SLIT2: variants seen among roughly 807,000 people sequenced by gnomAD.
The protein encoded by SLIT2 is slit homolog 2 protein.
A neutral mutation model predicts 185.7 loss-of-function variants in SLIT2; 41 were observed. That is an observed-to-expected ratio of 0.22 (90% CI 0.17 to 0.29). The LOEUF (loss-of-function observed/expected upper bound fraction) is 0.29. SLIT2 is among the 10% of genes least tolerant of loss of function. The pLI is 1.00. For missense variants in SLIT2, 1,571 were observed against 1,909.0 expected (o/e 0.82, Z 3.30); for synonymous variants, 693 against 680.2 (o/e 1.02, Z -0.29).
At chr4:20,258,915 G>C (rs1238537762) in intron 3 of SLIT2, among the ~76,000 whole-genome samples, 1 of 151,552 alleles carries the variant, frequency 6.6e-6, no homozygotes, top group Non-Finnish European at 1.5e-5. Flanking sequence ...ACATATTCAG[G>C]TTCACTGGGC....
chr4:20,512,994 AG>A (rs1719890383), intron 11 of SLIT2, among the ~76,000 whole-genome samples: 2 of 152,342 alleles, frequency 1.3e-5, no homozygotes, highest in African/African-American at 2.4e-5. Context: ...GTTGATAAAC[AG>A]GGTTCCTGTA....
intron 4 of SLIT2, among the ~76,000 whole-genome samples, chr4:20,317,943 T>C (rs1718740055): frequency 6.6e-6 from 1 of 152,132 alleles, no homozygotes; most frequent in Non-Finnish European, 1.5e-5. Context: ...TTTCTAGCCT[T>C]ATAGAAGAAA....
In SLIT2 at chr4:20,291,214, A is replaced by G. The variant is rs140065218; in HGVS notation, c.395+22333A>G. On this transcript the variant is annotated intron_variant, in intron 4 of 36. Coordinates refer to ENST00000504154, the MANE Select transcript of SLIT2 (RefSeq NM_004787.4). ...GTCTTGCACTTGTGTGATGTTCCTC[A>G]GATATCTAAGTCGTTCCTGGAAAAG... is the stretch of plus-strand genomic sequence containing the variant. 2.4e-3 allele frequency among the ~76,000 whole-genome samples: 371 copies of G among 152,150 alleles called. 2 individuals are homozygous for G. The highest frequency in any genetic ancestry group is 8.6e-3 in the African/African-American group (359 of 41,506).
At chr4:20,546,398 T>G (rs1723255318) in intron 22 of SLIT2, among the ~76,000 whole-genome samples, 1 of 152,098 alleles carries the variant, frequency 6.6e-6, no homozygotes. Context: ...ATAATGAATA[T>G]GGGTTATTTT....
At chr4:20,494,668 A>G (rs950176023) in intron 9 of SLIT2, among the ~76,000 whole-genome samples, 10 of 151,698 alleles carry the variant, frequency 6.6e-5, no homozygotes, top group African/African-American at 2.4e-4. Flanking sequence ...AGTCTCATCT[A>G]CTCGGGAGGC....
At chr4:20,442,661 T>C (rs1267692328) in intron 4 of SLIT2, among the ~76,000 whole-genome samples, 2 of 152,102 alleles carry the variant, frequency 1.3e-5, no homozygotes. Flanking sequence ...GTGATGTTAC[T>C]CTCAGTGAGT....
chr4:20,340,980 G>A (rs1375816252), intron 4 of SLIT2, among the ~76,000 whole-genome samples: 1 of 152,166 alleles, frequency 6.6e-6, no homozygotes, highest in Non-Finnish European at 1.5e-5. Flanking sequence ...GGTAGGGATG[G>A]TTGGTTTCAA....
chr4:20,475,497 A>T (rs1715997991), intron 5 of SLIT2, among the ~76,000 whole-genome samples: 1 of 151,982 alleles, frequency 6.6e-6, no homozygotes, highest in Non-Finnish European at 1.5e-5. Context: ...CTATGTATTG[A>T]GAGGGAGTTA....
chr4:20,506,243 A>G (rs1406054116), intron 9 of SLIT2, among the ~76,000 whole-genome samples: 3 of 152,004 alleles, frequency 2.0e-5, no homozygotes, highest in African/African-American at 4.8e-5. Context: ...CACTTTCTAA[A>G]TCTATTTTTA....
chr4:20,442,299 C>T (rs965963049), intron 4 of SLIT2, among the ~76,000 whole-genome samples: 3 of 152,076 alleles, frequency 2.0e-5, no homozygotes, highest in Non-Finnish European at 4.4e-5. Flanking sequence ...GCGGGCGGAT[C>T]ATGAGGTCAG....
At chr4:20,388,104 C>G (rs1725077276) in intron 4 of SLIT2, among the ~76,000 whole-genome samples, 1 of 152,066 alleles carries the variant, frequency 6.6e-6, no homozygotes, top group Non-Finnish European at 1.5e-5. Context: ...AATATGACAT[C>G]TATGAAAACC....
chr4:20,275,229 A>G (rs1165138485), intron 4 of SLIT2, among the ~76,000 whole-genome samples: 1 of 152,120 alleles, frequency 6.6e-6, no homozygotes, highest in Non-Finnish European at 1.5e-5. Flanking sequence ...AAATCAATTT[A>G]CTTTCTATCT....
chr4:20,507,274 G>T (rs1161089019), intron 9 of SLIT2, among the ~76,000 whole-genome samples: 5 of 151,854 alleles, frequency 3.3e-5, no homozygotes, highest in Non-Finnish European at 5.9e-5. Context: ...GAAATTAGTT[G>T]TAGATTAATT....
At chr4:20,398,096 A>G (rs940604624) in intron 4 of SLIT2, among the ~76,000 whole-genome samples, 7 of 151,806 alleles carry the variant, frequency 4.6e-5, no homozygotes, top group African/African-American at 1.7e-4. Context: ...GGCTCTCAGG[A>G]AAGAAAGCTC....
intron 4 of SLIT2, among the ~76,000 whole-genome samples, chr4:20,322,350 C>T (rs969411703): frequency 1.3e-5 from 2 of 152,094 alleles, no homozygotes; most frequent in Non-Finnish European, 2.9e-5. Context: ...AACATTGATT[C>T]GGTCCAGAAA....
At chr4:20,504,624 T>G (rs1719029839) in intron 9 of SLIT2, among the ~76,000 whole-genome samples, 1 of 152,166 alleles carries the variant, frequency 6.6e-6, no homozygotes, top group Non-Finnish European at 1.5e-5. Flanking sequence ...TGCAAAACTG[T>G]ACTGCTAATT....
chr4:20,521,453 C>T (rs913454664), intron 12 of SLIT2, among the ~76,000 whole-genome samples: 5 of 152,322 alleles, frequency 3.3e-5, no homozygotes, highest in Admixed American at 2.6e-4. Context: ...TTGGGCCACA[C>T]TGAGTTAAAG....
intron 5 of SLIT2, among the ~76,000 whole-genome samples, chr4:20,472,359 T>TAG (rs1560453422): frequency 4.7e-5 from 1 of 21,482 alleles, no homozygotes; most frequent in Admixed American, 6.9e-4. Context: ...TATAGATATC[T>TAG]ATATAGATAT....
chr4:20,419,667 C>CTGTGTGTGTGTGTGTGTG (rs55679047), intron 4 of SLIT2, among the ~76,000 whole-genome samples: 43 of 138,082 alleles, frequency 3.1e-4, no homozygotes, highest in African/African-American at 9.6e-4. Context: ...AAGTTTTAAG[C>CTGTGTGTGTGTGTGTGTG]TGTGTGTGTG....
Sources: allele counts gnomAD v4.1 joint callset (sites outside exome capture counted in the v4.1 genomes callset), GRCh38; gene constraint gnomAD v4.1.1; transcripts MANE v1.5; gene names NCBI Gene and HGNC (gene_info 2026-07-23, HGNC 2026-07-21).